Variants in HS6ST2 observed in about 807,000 individuals in gnomAD.
The protein encoded by HS6ST2 is heparan-sulfate 6-O-sulfotransferase 2.
Under a neutral mutation model 33.0 loss-of-function variants are expected in HS6ST2, and 17 were observed. The ratio of observed to expected loss-of-function variants is 0.52; its 90% CI spans 0.35 to 0.77. The LOEUF is 0.77. Ranked by LOEUF, HS6ST2 falls within the 30% of genes least tolerant of loss-of-function variation. The pLI is 0.01. For synonymous variants in HS6ST2, 248 were observed against 237.1 expected (o/e 1.05, Z -0.42); for missense variants, 519 against 551.7 (o/e 0.94, Z 0.59).
intron 2 of HS6ST2, among the ~76,000 whole-genome samples, chrX:132,926,795 T>C (rs2066714557): frequency 9.0e-6 from 1 of 111,385 alleles, no homozygotes; most frequent in Non-Finnish European, 1.9e-5. Flanking sequence ...TGGTGGTGTG[T>C]GCCTGTAATC....
At chrX:132,818,145 C>T (rs894665560) in intron 2 of HS6ST2, among the ~76,000 whole-genome samples, 5 of 110,624 alleles carry the variant, frequency 4.5e-5, no homozygotes, top group Non-Finnish European at 9.5e-5. Context: ...GGTTTGTAAT[C>T]CTAATACACG....
intron 4 of HS6ST2, among the ~76,000 whole-genome samples, chrX:132,643,455 A>G (rs889094016): frequency 9.8e-5 from 11 of 112,241 alleles, no homozygotes; most frequent in Middle Eastern, 4.6e-3. Flanking sequence ...GGAACCAATG[A>G]GAGCCACTCA....
chrX:132,669,035 T>C, intron 4 of HS6ST2, 78 bp downstream of exon 4: 2 of 630,117 alleles, frequency 3.2e-6, no homozygotes, highest in South Asian at 5.6e-5. Flanking sequence ...TGAATGAATA[T>C]GAATAAATGA....
intron 2 of HS6ST2, among the ~76,000 whole-genome samples, chrX:132,871,077 GA>G (rs1487764742): frequency 1.8e-5 from 2 of 111,186 alleles, no homozygotes; most frequent in African/African-American, 6.5e-5. Context: ...AAATTTACAA[GA>G]AAAAAACAAA....
At chrX:132,691,138 GTAGACCCGATTC>G (rs1433113711) in intron 3 of HS6ST2, among the ~76,000 whole-genome samples, 1 of 111,975 alleles carries the variant, frequency 8.9e-6, no homozygotes, top group Non-Finnish European at 1.9e-5. Context: ...CAGCTGGATT[GTAGACCCGATTC>G]TAGCTCTGCT....
chrX:132,876,619 G>A (rs976678937), intron 2 of HS6ST2, among the ~76,000 whole-genome samples: 1 of 110,602 alleles, frequency 9.0e-6, no homozygotes. Flanking sequence ...GGAGGGAGGC[G>A]AGTGCACAGT....
chrX:132,800,212 G>A (rs758766093), intron 2 of HS6ST2, among the ~76,000 whole-genome samples: 1 of 111,455 alleles, frequency 9.0e-6, no homozygotes, highest in South Asian at 3.9e-4. Flanking sequence ...CAGATCAGTA[G>A]TGGCATTAGA....
intron 2 of HS6ST2, among the ~76,000 whole-genome samples, chrX:132,912,413 A>G (rs181090907): frequency 4.4e-4 from 50 of 112,386 alleles, no homozygotes; most frequent in African/African-American, 1.6e-3. Context: ...TCTCCCAAAT[A>G]CCATTCAATT....
At chrX:132,802,533 T>A (rs187988521) in intron 2 of HS6ST2, among the ~76,000 whole-genome samples, 11 of 111,272 alleles carry the variant, frequency 9.9e-5, no homozygotes, top group Non-Finnish European at 1.5e-4. Context: ...AAATAAACTA[T>A]GAGATTCTAC....
At chrX:132,852,745 C>T (rs1395787145) in intron 2 of HS6ST2, among the ~76,000 whole-genome samples, 1 of 112,006 alleles carries the variant, frequency 8.9e-6, no homozygotes, top group Non-Finnish European at 1.9e-5. Context: ...CCTGTAGTTA[C>T]CTACAGCCAT....
chrX:132,642,123 C>T (rs375149775), intron 4 of HS6ST2, among the ~76,000 whole-genome samples: 1 of 110,979 alleles, frequency 9.0e-6, no homozygotes, highest in African/African-American at 3.3e-5. Context: ...AAGTAAGAGG[C>T]CTTTTTCACA....
chrX:132,907,160 A>G (rs2066483276), intron 2 of HS6ST2: 1 of 112,327 alleles, frequency 8.9e-6, no homozygotes, highest in African/African-American at 3.2e-5. Flanking sequence ...TTCTTTATAA[A>G]TTACCCAGCT....
At chrX:132,862,826 T>C (rs1414455799) in intron 2 of HS6ST2, among the ~76,000 whole-genome samples, 2 of 112,240 alleles carry the variant, frequency 1.8e-5, no homozygotes, top group East Asian at 5.6e-4. Flanking sequence ...GTAATCACTT[T>C]ATGGTAACCG....
chrX:132,637,853 A>T (rs5977725), intron 4 of HS6ST2, among the ~76,000 whole-genome samples: 1 of 29,371 alleles, frequency 3.4e-5, no homozygotes, highest in African/African-American at 5.0e-4. Context: ...TATATATAAT[A>T]TATATATAAT....
chrX:132,860,135 A>AT (rs755900101), intron 2 of HS6ST2, among the ~76,000 whole-genome samples: 175 of 111,492 alleles, frequency 1.6e-3, no homozygotes, highest in Middle Eastern at 4.6e-3. Flanking sequence ...TAATTTGTTG[A>AT]TTTTTTCCCC....
chrX:132,783,397 TC>T (rs1167579871), intron 2 of HS6ST2, among the ~76,000 whole-genome samples: 1 of 111,458 alleles, frequency 9.0e-6, no homozygotes, highest in Non-Finnish European at 1.9e-5. Context: ...TCTGTAAATC[TC>T]TCTCAGATTT....
intron 2 of HS6ST2, among the ~76,000 whole-genome samples, chrX:132,769,871 C>A: frequency 8.9e-6 from 1 of 112,033 alleles, no homozygotes; most frequent in Admixed American, 9.5e-5. Flanking sequence ...GCAACCCATG[C>A]CGAGACTCAC....
intron 2 of HS6ST2, among the ~76,000 whole-genome samples, chrX:132,851,305 T>TAAAC (rs1334662433): frequency 3.6e-5 from 4 of 112,166 alleles, no homozygotes; most frequent in Non-Finnish European, 7.5e-5. Flanking sequence ...ACTTCAGAAA[T>TAAAC]AAACACCCAC....
intron 2 of HS6ST2, among the ~76,000 whole-genome samples, chrX:132,772,218 T>C (rs2064907721): frequency 9.0e-6 from 1 of 111,583 alleles, no homozygotes. Context: ...AAATGTAACA[T>C]GCTGGCACAG....
Sources: allele counts gnomAD v4.1 joint callset (sites outside exome capture counted in the v4.1 genomes callset), GRCh38; gene constraint gnomAD v4.1.1; transcripts MANE v1.5; gene names NCBI Gene and HGNC (gene_info 2026-07-23, HGNC 2026-07-21).